The following KHDRBS2 variants were observed in gnomAD, a reference collection of about 807,000 sequenced individuals.
KHDRBS2 encodes KH RNA binding domain containing, signal transduction associated 2, also known as KH domain-containing, RNA-binding, signal transduction-associated protein 2.
KHDRBS2 carries 26 observed loss-of-function variants against 44.3 expected under a neutral mutation model. That is an observed-to-expected ratio of 0.59 (90% CI 0.43 to 0.81). KHDRBS2 has a LOEUF of 0.81. Ranked by LOEUF, KHDRBS2 falls within the 40% of genes least tolerant of loss-of-function variation. The pLI is 0.00. For synonymous variants in KHDRBS2, 194 were observed against 151.1 expected (o/e 1.28, Z -2.08); for missense variants, 476 against 433.1 (o/e 1.10, Z -0.88).
chr6:61,681,021 G>A lies in KHDRBS2; in HGVS notation c.992C>T (p.Ala331Val), dbSNP rs1318888554. ...CCCTCTGGCTGACCTTTGCGGTGGT[G>A]CCTTCAAGCTAGAGCGGGTTGTGGC... ...EWATTRSSLK[A>V]PPQRSARGGY... The change falls in exon 9 of 9, where the codon GCA becomes GTA. Residue 331 changes from alanine (A) to valine (V), a missense_variant. By Grantham distance (64) the Ala-to-Val change is moderately conservative. Coordinates refer to ENST00000281156, the MANE Select transcript of KHDRBS2 (RefSeq NM_152688.4). The A allele has an allele frequency of 1.9e-6, 3 of 1,611,876 alleles. No individual in the cohort carries two copies. The highest frequency in any genetic ancestry group is 2.2e-5 in the East Asian group (1 of 44,754).
intron 6 of KHDRBS2, among the ~76,000 whole-genome samples, chr6:61,825,017 T>C (rs1330720608): frequency 6.6e-6 from 1 of 152,142 alleles, no homozygotes. Flanking sequence ...ATTTCACAAT[T>C]CTTATCTGGA....
intron 4 of KHDRBS2, among the ~76,000 whole-genome samples, chr6:61,963,826 AC>A (rs1191367477): frequency 9.9e-5 from 15 of 152,196 alleles, no homozygotes; most frequent in African/African-American, 3.6e-4. Context: ...CTTCTCGATA[AC>A]TAAAGGAGAT....
At position 62,261,717 on chromosome 6, in the gene KHDRBS2, G is replaced by A. The variant is rs146900527; in HGVS notation, c.91+24141C>T. Among the ~76,000 whole-genome samples the A allele has an allele frequency of 6.2e-3, 947 of 151,806 alleles. 5 individuals carry two copies. The highest frequency in any genetic ancestry group is 0.02 in the Middle Eastern group (6 of 294). On this transcript the variant is annotated intron_variant, in intron 1 of 8. Coordinates refer to ENST00000281156, the MANE Select transcript of KHDRBS2 (RefSeq NM_152688.4). ...TCGTATATTACCTATCTTCTTCAGAGGCATTTGGCTGATCATATAAGACAT... is the reference window on the plus strand; with the variant it reads ...TCGTATATTACCTATCTTCTTCAGAAGCATTTGGCTGATCATATAAGACAT...
At chr6:61,686,031 G>A (rs1766779549) in intron 8 of KHDRBS2, among the ~76,000 whole-genome samples, 1 of 151,574 alleles carries the variant, frequency 6.6e-6, no homozygotes, top group South Asian at 2.1e-4. Context: ...CACCTAAGAG[G>A]AAATTAATAT....
At chr6:61,623,954 T>TACAAA in the KHDRBS2 span, among the ~76,000 whole-genome samples, 2 of 152,186 alleles carry the variant, frequency 1.3e-5, no homozygotes. Context: ...TTATCTACTT[T>TACAAA]GTAGGAGAGG....
chr6:61,693,887 A>G (rs918157572), intron 8 of KHDRBS2, among the ~76,000 whole-genome samples: 3 of 152,188 alleles, frequency 2.0e-5, no homozygotes, highest in African/African-American at 7.2e-5. Context: ...CATCTCCATT[A>G]AAAGGCTTGA....
chr6:61,577,523 AAT>A, the KHDRBS2 span, among the ~76,000 whole-genome samples: 2 of 152,158 alleles, frequency 1.3e-5, no homozygotes, highest in African/African-American at 2.4e-5. Flanking sequence ...AGAAAATATT[AAT>A]ATGTTGCTTA....
intron 6 of KHDRBS2, among the ~76,000 whole-genome samples, chr6:61,829,195 T>C (rs1473055305): frequency 1.3e-5 from 2 of 152,238 alleles, no homozygotes. Flanking sequence ...GCAGTCTCGC[T>C]CTGTCGCCCA....
At chr6:62,253,940 T>G (rs1296919973) in intron 1 of KHDRBS2, among the ~76,000 whole-genome samples, 2 of 151,944 alleles carry the variant, frequency 1.3e-5, no homozygotes, top group African/African-American at 4.8e-5. Context: ...CTTCTTTTAT[T>G]TGAGGAATTA....
At chr6:62,127,742 AG>A (rs1052429899) in intron 2 of KHDRBS2, among the ~76,000 whole-genome samples, 1 of 152,300 alleles carries the variant, frequency 6.6e-6, no homozygotes, top group African/African-American at 2.4e-5. Context: ...TTTACTTGTA[AG>A]AAGGCTATAT....
chr6:61,867,628 G>C (rs1235994687), intron 6 of KHDRBS2, among the ~76,000 whole-genome samples: 9 of 152,092 alleles, frequency 5.9e-5, no homozygotes, highest in Admixed American at 2.6e-4. Flanking sequence ...CTTTGGATGG[G>C]GTTTTTTGTT....
the KHDRBS2 span, among the ~76,000 whole-genome samples, chr6:61,556,761 A>G: frequency 6.6e-6 from 1 of 151,232 alleles, no homozygotes. Flanking sequence ...AGCCTTCCTC[A>G]CCTCCATTTT....
chr6:62,135,750 G>A (rs766407784), intron 2 of KHDRBS2, among the ~76,000 whole-genome samples: 66 of 152,204 alleles, frequency 4.3e-4, no homozygotes, highest in Non-Finnish European at 7.9e-4. Context: ...AAAAAGGAAA[G>A]AGATCCTGCC....
At chr6:61,620,686 T>A in the KHDRBS2 span, among the ~76,000 whole-genome samples, 2 of 152,206 alleles carry the variant, frequency 1.3e-5, no homozygotes. Context: ...CTCCATCTGC[T>A]GCTTCTTCCC....
chr6:61,932,887 C>T lies in KHDRBS2; in HGVS notation c.484-31516G>A, dbSNP rs150820033. Among the ~76,000 whole-genome samples, 378 of 152,274 alleles carry T rather than the reference C, an allele frequency of 2.5e-3. 3 individuals are homozygous for T. The highest frequency in any genetic ancestry group is 8.5e-3 in the African/African-American group (352 of 41,562). ...AAAATACTGTCCTACGGGTTCATCC[C>T]TGTTGTTGCAAATGGTAGGATTTCA... On this transcript the variant is annotated intron_variant, in intron 4 of 8. Transcript: ENST00000281156.
At chr6:61,588,172 C>A in the KHDRBS2 span, among the ~76,000 whole-genome samples, 2 of 152,244 alleles carry the variant, frequency 1.3e-5, no homozygotes, top group Admixed American at 6.5e-5. Flanking sequence ...AATGGATTAT[C>A]CTAATTATGA....
the KHDRBS2 span, among the ~76,000 whole-genome samples, chr6:61,656,418 A>G: frequency 6.6e-6 from 1 of 152,000 alleles, no homozygotes; most frequent in African/African-American, 2.4e-5. Context: ...CAACTAATAA[A>G]AGATTTGAGC....
intron 6 of KHDRBS2, among the ~76,000 whole-genome samples, chr6:61,857,572 GATT>G (rs1234179007): frequency 7.9e-6 from 1 of 126,610 alleles, no homozygotes; most frequent in Non-Finnish European, 1.7e-5. Context: ...TGGAAAATGT[GATT>G]ATTTACTTCA....
the KHDRBS2 span, among the ~76,000 whole-genome samples, chr6:61,589,448 C>A: frequency 6.6e-6 from 1 of 152,124 alleles, no homozygotes; most frequent in Non-Finnish European, 1.5e-5. Flanking sequence ...TGTATTTCAG[C>A]AACTAAGTTT....
Sources: gnomAD v4.1 joint callset for allele counts (sites outside exome capture counted in the v4.1 genomes callset) on GRCh38, gnomAD v4.1.1 for gene constraint, MANE v1.5 for transcripts, NCBI Gene and HGNC (gene_info 2026-07-23, HGNC 2026-07-21) for gene names.